SDK2: variants seen among roughly 807,000 people sequenced by gnomAD.
SDK2 encodes sidekick cell adhesion molecule 2.
A neutral mutation model predicts 253.9 loss-of-function variants in SDK2; 105 were observed. That is an observed-to-expected ratio of 0.41 (90% CI 0.35 to 0.49). The LOEUF is 0.49. SDK2 is among the 20% of genes least tolerant of loss of function. The probability of loss-of-function intolerance (pLI) is 0.06; values close to 1 mark genes in which losing one functional copy is unlikely to be tolerated. For missense variants in SDK2, 2,608 were observed against 3,003.0 expected (o/e 0.87, Z 3.07); for synonymous variants, 1,249 against 1,234.9 (o/e 1.01, Z -0.24).
rs149783907 is a variant in SDK2, at chr17:73,619,440, T to C, written c.64+24585A>G. Among the ~76,000 whole-genome samples, 192 of 152,208 alleles carry C rather than the reference T, an allele frequency of 1.3e-3. 1 individual carries two copies. Among genetic ancestry groups the C allele is most frequent in the African/African-American group, 3.7e-3 (154 of 41,524 alleles). ...TAACAGAACAGAGAGTCTATATGCATCTATGGCCAACTGATTTTTGACAAA... is the reference window on the plus strand; with the variant it reads ...TAACAGAACAGAGAGTCTATATGCACCTATGGCCAACTGATTTTTGACAAA... On this transcript the variant is annotated intron_variant, in intron 1 of 44. Transcript: ENST00000392650.
At chr17:73,462,471 T>TATGTATGCATATTTAC (rs2063570716) in intron 3 of SDK2, among the ~76,000 whole-genome samples, 1 of 152,128 alleles carries the variant, frequency 6.6e-6, no homozygotes, top group Non-Finnish European at 1.5e-5. Flanking sequence ...TACATGTTTA[T>TATGTATGCATATTTAC]ATGTATGCAT....
intron 13 of SDK2, 82 bp downstream of exon 13, chr17:73,423,834 A>G: frequency 2.4e-6 from 3 of 1,246,078 alleles, no homozygotes; most frequent in Non-Finnish European, 3.3e-6. Flanking sequence ...GGGATCTGAA[A>G]AAAGGGACTC....
chr17:73,459,021 T>A (rs1408570873), intron 3 of SDK2, among the ~76,000 whole-genome samples: 1 of 151,796 alleles, frequency 6.6e-6, no homozygotes, highest in Non-Finnish European at 1.5e-5. Context: ...AAACAAAAAC[T>A]AAAACAAACA....
chr17:73,575,790 G>A (rs557770003), intron 1 of SDK2, among the ~76,000 whole-genome samples: 1 of 152,356 alleles, frequency 6.6e-6, no homozygotes, highest in African/African-American at 2.4e-5. Flanking sequence ...CACAGACAAC[G>A]GCAACGCAGC....
At chr17:73,588,584 C>T (rs1338104765) in intron 1 of SDK2, among the ~76,000 whole-genome samples, 1 of 151,722 alleles carries the variant, frequency 6.6e-6, no homozygotes, top group South Asian at 2.1e-4. Flanking sequence ...CTCAACTTTG[C>T]CCCCCAGGGG....
chr17:73,415,346 TTCAC>T (rs1239880256), intron 17 of SDK2, among the ~76,000 whole-genome samples: 4 of 144,710 alleles, frequency 2.8e-5, no homozygotes, highest in Non-Finnish European at 6.0e-5. Context: ...TTCATTTCAT[TTCAC>T]TTTTTTTTTT....
intron 40 of SDK2, 68 bp downstream of exon 40, chr17:73,358,011 A>G: frequency 1.9e-6 from 3 of 1,606,364 alleles, no homozygotes; most frequent in Non-Finnish European, 2.5e-6. Flanking sequence ...AAGTGCCCCA[A>G]GTGGAGGGAC....
Position 73,395,088 on chromosome 17 carries a change from G to A in SDK2, c.3592+67C>T. 2 of 1,273,932 alleles carry A rather than the reference G, an allele frequency of 1.6e-6. No individual in the cohort carries two copies. Among genetic ancestry groups the A allele is most frequent in the South Asian group, 1.3e-5 (1 of 74,096 alleles). 78.9% of individuals were successfully genotyped at this position (1,273,932 alleles called of 1,614,324 possible). On this transcript the variant is annotated intron_variant, in intron 25 of 44. Coordinates refer to ENST00000392650, the MANE Select transcript of SDK2 (RefSeq NM_001144952.2). This position sits in a 1 kb window ranked among gnomAD's most constrained non-coding sequence, Gnocchi z 4.3. Reference sequence around the variant, plus strand: ...CCTTCAGCCTGGCACGCGCTTGGATGACCCTGAGGGCATAGAGACCAAGGA... The same window carrying A: ...CCTTCAGCCTGGCACGCGCTTGGATAACCCTGAGGGCATAGAGACCAAGGA...
intron 1 of SDK2, among the ~76,000 whole-genome samples, chr17:73,569,973 G>A (rs1487337052): frequency 6.6e-6 from 1 of 152,114 alleles, no homozygotes; most frequent in Non-Finnish European, 1.5e-5. Context: ...AGTTACGGGA[G>A]GCTGCAGCCA....
At chr17:73,560,774 C>G (rs1158503338) in intron 1 of SDK2, among the ~76,000 whole-genome samples, 1 of 152,192 alleles carries the variant, frequency 6.6e-6, no homozygotes, top group Non-Finnish European at 1.5e-5. Context: ...GACCACACAC[C>G]CTGCTTACAG....
chr17:73,598,502 C>T (rs537536102), intron 1 of SDK2, among the ~76,000 whole-genome samples: 1 of 152,308 alleles, frequency 6.6e-6, no homozygotes, highest in South Asian at 2.1e-4. Context: ...CCCTGGCTTC[C>T]CCTCTGCCCG....
chr17:73,350,120 G>C, intron 43 of SDK2, 117 bp downstream of exon 43: 1 of 966,580 alleles, frequency 1.0e-6, no homozygotes, highest in Middle Eastern at 3.2e-4. Flanking sequence ...CTTGAATGGT[G>C]TTTCCCAGGA....
At chr17:73,521,102 G>A (rs1015342272) in intron 1 of SDK2, 2 of 147,778 alleles carry the variant, frequency 1.4e-5, no homozygotes, top group African/African-American at 5.0e-5. Context: ...GTGTGGTGGT[G>A]CAATCATAGC....
chr17:73,366,327 A>G (rs2062685138), intron 37 of SDK2, among the ~76,000 whole-genome samples: 1 of 152,166 alleles, frequency 6.6e-6, no homozygotes, highest in Non-Finnish European at 1.5e-5. Flanking sequence ...GGCACTGACA[A>G]AAGAGTGGCC....
At chr17:73,516,357 G>T (rs2064027157) in intron 1 of SDK2, among the ~76,000 whole-genome samples, 1 of 152,246 alleles carries the variant, frequency 6.6e-6, no homozygotes, top group Non-Finnish European at 1.5e-5. Context: ...CCCTTCAGAA[G>T]AAATGTCTGC....
chr17:73,627,752 T>G (rs951477934), intron 1 of SDK2, among the ~76,000 whole-genome samples: 7 of 152,136 alleles, frequency 4.6e-5, no homozygotes, highest in African/African-American at 1.7e-4. Context: ...TTTTGTTTGT[T>G]TAAAACCCAC....
Position 73,379,605 on chromosome 17 carries a change from AG to A in SDK2, c.4763-57del. 9.3e-7 allele frequency: 1 copy of A among 1,075,644 alleles called. No individual in the cohort carries two copies. Among genetic ancestry groups the A allele is most frequent in the Non-Finnish European group, 1.4e-6 (1 of 715,846 alleles). 66.6% of individuals were successfully genotyped at this position (1,075,644 alleles called of 1,614,324 possible). Reference sequence around the variant, plus strand: ...ACTGAGGTCACCGTCATTGCTGGGAAGGTGTCCCCAGGGAGGGTGGAGGCTG... The same window carrying A: ...ACTGAGGTCACCGTCATTGCTGGGAAGTGTCCCCAGGGAGGGTGGAGGCTG... On this transcript the variant is annotated intron_variant, in intron 34 of 44. Coordinates refer to ENST00000392650, the MANE Select transcript of SDK2 (RefSeq NM_001144952.2). This position sits in a 1 kb window ranked among gnomAD's most constrained non-coding sequence, Gnocchi z 4.5.
At chr17:73,437,666 A>G (rs2063380466) in intron 8 of SDK2, 73 bp downstream of exon 8, 1 of 1,263,436 alleles carries the variant, frequency 7.9e-7, no homozygotes, top group African/African-American at 1.5e-5. Flanking sequence ...GAATTTAGAA[A>G]TGTCCACAAT....
chr17:73,586,428 G>C (rs937324367), intron 1 of SDK2, among the ~76,000 whole-genome samples: 1 of 152,016 alleles, frequency 6.6e-6, no homozygotes, highest in Non-Finnish European at 1.5e-5. Flanking sequence ...AATTCCTTCT[G>C]GCTATTAATT....
Sources: gnomAD v4.1 joint callset for allele counts (sites outside exome capture counted in the v4.1 genomes callset) on GRCh38, gnomAD v4.1.1 for gene constraint, Gnocchi (gnomAD v3.1) non-coding constraint, MANE v1.5 for transcripts, NCBI Gene and HGNC (gene_info 2026-07-23, HGNC 2026-07-21) for gene names.